Variants in ZFYVE9 observed in about 807,000 individuals in gnomAD.
ZFYVE9 encodes zinc finger FYVE domain-containing protein 9.
In ZFYVE9, 43 loss-of-function variants were observed where a neutral mutation model predicts 126.7. The observed-to-expected ratio is 0.34, with a 90% confidence interval of 0.27 to 0.44. The LOEUF (loss-of-function observed/expected upper bound fraction) is 0.44. Ranked by LOEUF, ZFYVE9 falls within the 20% of genes least tolerant of loss-of-function variation. The pLI is 1.00. For synonymous variants in ZFYVE9, 521 were observed against 597.4 expected, an observed-to-expected ratio of 0.87 and a Z score of 1.87; for missense variants, 1,476 against 1,697.0, an observed-to-expected ratio of 0.87 and a Z score of 2.29.
intron 1 of ZFYVE9, among the ~76,000 whole-genome samples, chr1:52,161,310 G>A (rs767189084): frequency 2.4e-4 from 37 of 151,852 alleles, no homozygotes; most frequent in Non-Finnish European, 3.1e-4. Context: ...TTTTTTTGGA[G>A]ACAGAGTCTT....
chr1:52,340,904 C>CAA lies in ZFYVE9; in HGVS notation c.3939+701_3939+702dup, dbSNP rs10608842. Among the ~76,000 whole-genome samples the CAA allele has an allele frequency of 8.2e-4, 83 of 100,682 alleles. 1 individual carries two copies. The highest frequency in any genetic ancestry group is 2.5e-3 in the African/African-American group (70 of 28,056). 66.1% of individuals were successfully genotyped at this position (100,682 alleles called of 152,430 possible). On this transcript the variant is annotated intron_variant, in intron 17 of 18. Transcript: ENST00000287727. Reference sequence around the variant, plus strand: ...TAGGCAACAGAGCAAGACTCCGTCTCAAAAAAAAAAAAAAAAAAAAAAAAA... The same window carrying CAA: ...TAGGCAACAGAGCAAGACTCCGTCTCAAAAAAAAAAAAAAAAAAAAAAAAAAA...
intron 1 of ZFYVE9, among the ~76,000 whole-genome samples, chr1:52,155,753 T>A (rs1011203724): frequency 5.9e-5 from 9 of 152,182 alleles, no homozygotes; most frequent in African/African-American, 2.2e-4. Flanking sequence ...TGGGCCACAG[T>A]GGTATTCCTG....
intron 12 of ZFYVE9, among the ~76,000 whole-genome samples, chr1:52,298,240 A>C (rs1225542085): frequency 6.6e-6 from 1 of 152,144 alleles, no homozygotes; most frequent in Non-Finnish European, 1.5e-5. Flanking sequence ...AATATTGTGA[A>C]GCATTTGCCC....
chr1:52,251,702 GCT>G lies in ZFYVE9; in HGVS notation c.2179-12070_2179-12069del, dbSNP rs777405612. Among the ~76,000 whole-genome samples, 280 of 152,300 alleles carry G rather than the reference GCT, an allele frequency of 1.8e-3. 3 individuals carry two copies. Among genetic ancestry groups the G allele is most frequent in the Non-Finnish European group, 1.4e-3 (95 of 68,024 alleles). ...TTGTTTTGGTATCAAGATAGTGCTG[GCT>G]TCACAGAAGGAGTTAGGAAGTATTT... On this transcript the variant is annotated intron_variant, in intron 4 of 18. Transcript: ENST00000287727.
At chr1:52,320,185 C>G (rs1054473168) in intron 13 of ZFYVE9, among the ~76,000 whole-genome samples, 3 of 151,778 alleles carry the variant, frequency 2.0e-5, no homozygotes, top group African/African-American at 4.8e-5. Context: ...ATTCTCCTGC[C>G]TCATCCTCCC....
At chr1:52,149,729 G>A (rs1420769966) in intron 1 of ZFYVE9, among the ~76,000 whole-genome samples, 4 of 152,024 alleles carry the variant, frequency 2.6e-5, no homozygotes, top group East Asian at 1.9e-4. Context: ...TCCTGACCTC[G>A]TGATCCACCT....
chr1:52,159,039 G>A (rs1027279025), intron 1 of ZFYVE9, among the ~76,000 whole-genome samples: 11 of 152,096 alleles, frequency 7.2e-5, no homozygotes, highest in Admixed American at 4.6e-4. Flanking sequence ...TGATCCGCCC[G>A]CCTCGGCCTC....
At chr1:52,275,940 A>C in intron 8 of ZFYVE9, among the ~76,000 whole-genome samples, 1 of 120,264 alleles carries the variant, frequency 8.3e-6, no homozygotes, top group Non-Finnish European at 1.6e-5. Context: ...ATGGAGTCTC[A>C]CTCTGTCGCC....
intron 4 of ZFYVE9, among the ~76,000 whole-genome samples, chr1:52,249,959 T>G (rs1393098832): frequency 1.3e-5 from 2 of 152,222 alleles, no homozygotes; most frequent in Non-Finnish European, 2.9e-5. Flanking sequence ...CTTTTTTCTA[T>G]TCCATTGGTC....
At position 52,281,810 on chromosome 1, in the gene ZFYVE9, C is replaced by G; in HGVS notation, c.3019C>G (p.Leu1007Val). The change falls in exon 10 of 19, where the codon CTG becomes GTG. Residue 1007 changes from leucine (L) to valine (V), a missense_variant. Transcript: ENST00000287727. ...NHFVQLYRDA[L>V]AGNVVSNLGH... ...CTTTGTGCAGCTTTATCGGGATGCTCTGGCAGGTAGGAATGCTTTATGACT... is the reference window on the plus strand; with the variant it reads ...CTTTGTGCAGCTTTATCGGGATGCTGTGGCAGGTAGGAATGCTTTATGACT... 6.2e-7 allele frequency: 1 copy of G among 1,614,116 alleles called. No individual in the cohort carries two copies.
In ZFYVE9 at chr1:52,227,673, A is replaced by G. The variant is rs1645182504; in HGVS notation, c.-36-5498A>G. ...GGTTAGCATAAAGGCAAACCCTAGT[A>G]TGTTCCTGGATGAGAAGACTTAATA... On this transcript the variant is annotated intron_variant, in intron 2 of 18. Transcript: ENST00000287727. Among the ~76,000 whole-genome samples, 3 of 152,250 alleles carry G rather than the reference A, an allele frequency of 2.0e-5. 1 individual carries two copies. The highest frequency in any genetic ancestry group is 2.1e-4 in the South Asian group (1 of 4,834).
At chr1:52,266,596 G>A in intron 5 of ZFYVE9, 59 bp from the exon 6 acceptor site, 1 of 1,417,350 alleles carries the variant, frequency 7.1e-7, no homozygotes, top group Non-Finnish European at 9.5e-7. Context: ...ATATTGTGGA[G>A]GTCTTGATGT....
chr1:52,156,760 A>G (rs773656833), intron 1 of ZFYVE9, among the ~76,000 whole-genome samples: 1 of 152,056 alleles, frequency 6.6e-6, no homozygotes, highest in Admixed American at 6.5e-5. Context: ...GTTTCTGTAT[A>G]CCAATATCAA....
chr1:52,152,155 A>G (rs892490877), intron 1 of ZFYVE9, among the ~76,000 whole-genome samples: 1 of 151,778 alleles, frequency 6.6e-6, no homozygotes, highest in African/African-American at 2.4e-5. Context: ...ATGTCTGGCT[A>G]ATTTTTGTAT....
chr1:52,199,201 G>T (rs894717909), intron 1 of ZFYVE9, among the ~76,000 whole-genome samples: 1 of 152,070 alleles, frequency 6.6e-6, no homozygotes, highest in Non-Finnish European at 1.5e-5. Flanking sequence ...GAGTAGCTGG[G>T]ACTATAGGCG....
At chr1:52,257,947 A>C (rs894823355) in intron 4 of ZFYVE9, among the ~76,000 whole-genome samples, 1 of 152,124 alleles carries the variant, frequency 6.6e-6, no homozygotes, top group Non-Finnish European at 1.5e-5. Context: ...GGCTGGTCTC[A>C]AACTCCTGAC....
intron 10 of ZFYVE9, 52 bp from the exon 11 acceptor site, chr1:52,293,401 A>G (rs1645943348): frequency 6.8e-6 from 9 of 1,329,640 alleles, no homozygotes; most frequent in Non-Finnish European, 9.2e-6. Context: ...AAAAAAAAGA[A>G]ATATGATTAA....
Position 52,189,154 on chromosome 1 carries a change from C to G in ZFYVE9, c.-142-27215C>G, listed in dbSNP as rs111765112. ...GTTTCACCATATTGGCCCGGGTGGT[C>G]TTGAACTCCTGACCTTAAGTGATCC... is the stretch of plus-strand genomic sequence containing the variant. On this transcript the variant is annotated intron_variant, in intron 1 of 18. Transcript: ENST00000287727. 9.9e-3 allele frequency among the ~76,000 whole-genome samples: 1,504 copies of G among 151,766 alleles called. 37 individuals carry two copies. Among genetic ancestry groups the G allele is most frequent in the African/African-American group, 0.035 (1,453 of 41,366 alleles).
chr1:52,150,401 A>G (rs1644343584), intron 1 of ZFYVE9: 1 of 152,228 alleles, frequency 6.6e-6, no homozygotes, highest in Non-Finnish European at 1.5e-5. Context: ...CCTGGGCAAC[A>G]TAGTGAGACC....
Sources: allele counts gnomAD v4.1 joint callset (sites outside exome capture counted in the v4.1 genomes callset), GRCh38; gene constraint gnomAD v4.1.1; transcripts MANE v1.5; gene names NCBI Gene and HGNC (gene_info 2026-07-23, HGNC 2026-07-21).